Variants in PDE6C observed in about 807,000 individuals in gnomAD.
The protein encoded by PDE6C is phosphodiesterase 6C.
In PDE6C, 75 loss-of-function variants were observed where a neutral mutation model predicts 113.1. The observed-to-expected ratio is 0.66, with a 90% CI of 0.55 to 0.80. The LOEUF is 0.80. PDE6C is among the 30% of genes least tolerant of loss of function. The probability of loss-of-function intolerance (pLI) is 0.00; values close to 1 mark genes in which losing one functional copy is unlikely to be tolerated. For missense variants in PDE6C, 912 were observed against 1,038.6 expected (o/e 0.88, Z 1.67); for synonymous variants, 375 against 363.7 (o/e 1.03, Z -0.35).
intron 10 of PDE6C, among the ~76,000 whole-genome samples, 178 bp from the exon 11 acceptor site, chr10:93,636,817 G>A (rs1269693785): frequency 6.6e-6 from 1 of 152,018 alleles, no homozygotes; most frequent in Non-Finnish European, 1.5e-5. Context: ...ACCTAGGCTG[G>A]ATTACAGTGG....
Position 93,612,917 on chromosome 10 carries a change from G to C in PDE6C, c.192G>C (p.Glu64Asp). The change falls in exon 1 of 22, where the codon GAG becomes GAC. Residue 64 changes from glutamate to aspartate, a missense_variant. By Grantham distance (45) the Glu-to-Asp change is conservative (BLOSUM62 2). Transcript: ENST00000371447. ...TGGAGGAGTCAGCCCTGTGCTTGGA[G>C]CTGCTGTGGACCGTGCAGGAGGAGG... Reference protein sequence around the residue: ...TQVEESALCLELLWTVQEEGG... With the variant: ...TQVEESALCLDLLWTVQEEGG... 6.2e-7 allele frequency: 1 copy of C among 1,614,052 alleles called. No homozygotes were observed. Among genetic ancestry groups the C allele is most frequent in the Non-Finnish European group, 8.5e-7 (1 of 1,180,036 alleles).
chr10:93,640,100 G>A lies in PDE6C; in HGVS notation c.1513G>A (p.Glu505Lys), dbSNP rs377715415. Residue 505 changes from glutamate (E) to lysine (K), a missense_variant, in exon 12 of 22, where the codon GAA (glutamate) becomes AAA (lysine). By Grantham distance (56) the Glu-to-Lys change is moderately conservative. Transcript: ENST00000371447. ...KEDLPDPRSA[E>K]LYEFRFSDFP... Reference sequence around the variant, plus strand: ...GGACTTGCCAGACCCACGCTCAGCAGAACTGTACGAATTCCGCTTCAGTGA... The same window carrying A: ...GGACTTGCCAGACCCACGCTCAGCAAAACTGTACGAATTCCGCTTCAGTGA... 4 of 1,614,116 alleles carry A rather than the reference G, an allele frequency of 2.5e-6. No homozygotes were observed. The highest frequency in any genetic ancestry group is 3.4e-6 in the Non-Finnish European group (4 of 1,179,972).
chr10:93,637,015 T>A lies in PDE6C; in HGVS notation c.1434T>A (p.Asn478Lys), dbSNP rs760921285. ...TTTAGAAATTTCAAGAGAAGTTAAA[T>A]GTTGATGTAATTGACGACTGTGAAG... is the stretch of plus-strand genomic sequence containing the variant. ...KSILKFQEKL[N>K]VDVIDDCEEK... Residue 478 changes from asparagine (N) to lysine (K), a missense_variant, in exon 11 of 22, where the codon AAT (asparagine) becomes AAA (lysine). Transcript: ENST00000371447. 1.9e-6 allele frequency: 3 copies of A among 1,601,770 alleles called. No homozygotes were observed. The South Asian group carries it at 3.3e-5, about 18-fold the overall frequency.
At position 93,661,695 on chromosome 10, in the gene PDE6C, A is replaced by G. The variant is rs769709502; in HGVS notation, c.2209-364A>G. 6.4e-4 allele frequency among the ~76,000 whole-genome samples: 97 copies of G among 152,304 alleles called. 3 individuals carry two copies. The highest frequency in any genetic ancestry group is 2.1e-4 in the South Asian group (1 of 4,822). ...ATGGGTGTATGTCACATGTGCATTC[A>G]CAGACATATGCTAGATGCTAACAGA... On this transcript the variant is annotated intron_variant, in intron 18 of 21. Transcript: ENST00000371447.
At chr10:93,623,803 A>G (rs993248338) in intron 4 of PDE6C, among the ~76,000 whole-genome samples, 3 of 152,076 alleles carry the variant, frequency 2.0e-5, no homozygotes, top group African/African-American at 7.2e-5. Context: ...TGTTTCATTG[A>G]TTCATTTGTC....
intron 1 of PDE6C, among the ~76,000 whole-genome samples, chr10:93,620,229 TGA>T (rs2058438817): frequency 6.6e-6 from 1 of 152,162 alleles, no homozygotes; most frequent in African/African-American, 2.4e-5. Context: ...CCCTTTGTAA[TGA>T]GAGAGAAGCG....
At chr10:93,651,161 T>C (rs989454597) in intron 15 of PDE6C, among the ~76,000 whole-genome samples, 1 of 152,188 alleles carries the variant, frequency 6.6e-6, no homozygotes, top group African/African-American at 2.4e-5. Context: ...TACTCATCCC[T>C]GAGTGGAGCC....
intron 1 of PDE6C, among the ~76,000 whole-genome samples, chr10:93,615,948 A>AGTAT (rs1482761833): frequency 6.6e-6 from 1 of 152,144 alleles, no homozygotes; most frequent in African/African-American, 2.4e-5. Context: ...GAGGTGGCTG[A>AGTAT]GTATGTGTCC....
At chr10:93,650,920 C>A (rs578083488) in intron 15 of PDE6C, among the ~76,000 whole-genome samples, 2 of 152,080 alleles carry the variant, frequency 1.3e-5, no homozygotes, top group African/African-American at 4.8e-5. Flanking sequence ...TATAAAATTA[C>A]ATTTTGCTCT....
chr10:93,644,826 A>ATG (rs1357450035), intron 14 of PDE6C, among the ~76,000 whole-genome samples: 27 of 146,932 alleles, frequency 1.8e-4, no homozygotes, highest in Non-Finnish European at 1.6e-4. Flanking sequence ...ATAGTACTAT[A>ATG]TATATACTAT....
At chr10:93,664,669 T>G (rs1260641054) in intron 21 of PDE6C, among the ~76,000 whole-genome samples, 1 of 152,224 alleles carries the variant, frequency 6.6e-6, no homozygotes, top group Non-Finnish European at 1.5e-5. Flanking sequence ...GATATGGATC[T>G]GTATTTTATT....
chr10:93,619,894 C>T (rs1036182145), intron 1 of PDE6C, among the ~76,000 whole-genome samples: 5 of 152,056 alleles, frequency 3.3e-5, no homozygotes, highest in African/African-American at 4.8e-5. Flanking sequence ...CAGGCAAAAT[C>T]AGTAAAGGAC....
chr10:93,622,297 T>C (rs1372222100), intron 4 of PDE6C, among the ~76,000 whole-genome samples: 1 of 151,928 alleles, frequency 6.6e-6, no homozygotes, highest in African/African-American at 2.4e-5. Context: ...TGTTTTTTTT[T>C]TACATTAATT....
At chr10:93,636,573 A>AT (rs1188055343) in intron 10 of PDE6C, among the ~76,000 whole-genome samples, 3 of 151,962 alleles carry the variant, frequency 2.0e-5, no homozygotes, top group Non-Finnish European at 4.4e-5. Context: ...TAAGCCACTC[A>AT]TTTTTTCTTT....
In PDE6C at chr10:93,665,560, T is replaced by A. The variant is rs2058686338; in HGVS notation, c.*142T>A. 1.5e-6 allele frequency: 1 copy of A among 658,510 alleles called. No individual in the cohort carries two copies. 40.8% of individuals were successfully genotyped at this position (658,510 alleles called of 1,614,324 possible). A position where few individuals can be genotyped will look rare whatever the true frequency, so the allele number is the denominator to read the frequency against. On this transcript the variant is annotated 3_prime_UTR_variant, in exon 22 of 22. Transcript: ENST00000371447. ...TGACTATGAAGAAAATATATATTGC[T>A]AGCCCAAAAATCCCAGGGGCAAAAT...
Position 93,620,684 on chromosome 10 carries a change from A to T in PDE6C, c.533A>T (p.Asn178Ile). Reference sequence around the variant, plus strand: ...AAGCAAACTGGGTATGTCACTAAGAACCTGCTGGCAACCCCGATCGTGGTG... The same window carrying T: ...AAGCAAACTGGGTATGTCACTAAGATCCTGCTGGCAACCCCGATCGTGGTG... ...MDKQTGYVTKNLLATPIVVGK... is the reference protein window; with the variant it reads ...MDKQTGYVTKILLATPIVVGK... Residue 178 changes from asparagine (N) to isoleucine (I), a missense_variant, in exon 2 of 22, where the codon AAC (asparagine) becomes ATC (isoleucine). Coordinates refer to ENST00000371447, the MANE Select transcript of PDE6C (RefSeq NM_006204.4). The T allele has an allele frequency of 6.2e-7, 1 of 1,614,190 alleles. No homozygotes were observed. Among genetic ancestry groups the T allele is most frequent in the Non-Finnish European group, 8.5e-7 (1 of 1,180,022 alleles).
chr10:93,653,162 C>T (rs2133873506), intron 15 of PDE6C, among the ~76,000 whole-genome samples: 1 of 152,180 alleles, frequency 6.6e-6, no homozygotes, highest in East Asian at 1.9e-4. Context: ...TGGATCACCC[C>T]AAGTCCAAAA....
intron 1 of PDE6C, among the ~76,000 whole-genome samples, chr10:93,618,497 T>C (rs1422530517): frequency 6.6e-6 from 1 of 152,204 alleles, no homozygotes; most frequent in Non-Finnish European, 1.5e-5. Context: ...CTTTATGCAA[T>C]GCTGATGCCT....
rs776638127 is a variant in PDE6C, at chr10:93,626,743, G to T, written c.1004+39G>T. The T allele has an allele frequency of 6.2e-6, 10 of 1,604,478 alleles. No homozygotes were observed. The African/African-American group carries it at 1.3e-4, about 21-fold the overall frequency. On this transcript the variant is annotated intron_variant, in intron 6 of 21. Coordinates refer to ENST00000371447, the MANE Select transcript of PDE6C (RefSeq NM_006204.4). ...GGAAGTTGCTGCCGCAGTTGCCGTT[G>T]TATTTTTGCACATATTGCATTTCTC...
Sources: allele counts gnomAD v4.1 joint callset (sites outside exome capture counted in the v4.1 genomes callset), GRCh38; gene constraint gnomAD v4.1.1; transcripts MANE v1.5; gene names NCBI Gene and HGNC (gene_info 2026-07-23, HGNC 2026-07-21).